PPA2: variants seen among roughly 807,000 people sequenced by gnomAD.
PPA2 encodes the protein inorganic pyrophosphatase 2, mitochondrial.
In PPA2, 48 loss-of-function variants were observed where a neutral mutation model predicts 49.5. The observed-to-expected ratio is 0.97, with a 90% CI of 0.77 to 1.23. PPA2 has a LOEUF of 1.23. Ranked by LOEUF, PPA2 falls within the 50% of genes most tolerant of loss-of-function variation. The probability of loss-of-function intolerance (pLI) is 0.00; values close to 1 mark genes in which losing one functional copy is unlikely to be tolerated. For missense variants in PPA2, 429 were observed against 410.1 expected, an observed-to-expected ratio of 1.05 and a Z score of -0.40; for synonymous variants, 131 against 139.9, an observed-to-expected ratio of 0.94 and a Z score of 0.45.
At position 105,446,539 on chromosome 4, in the gene PPA2, T is replaced by C. The variant is rs11097889; in HGVS notation, c.322-37A>G. Reference sequence around the variant, plus strand: ...ACAGAAGGAAGAAAAGGAGATGGGATAAGAAATAATTAATTCTATGTCCAA... The same window carrying C: ...ACAGAAGGAAGAAAAGGAGATGGGACAAGAAATAATTAATTCTATGTCCAA... On this transcript the variant is annotated intron_variant, in intron 4 of 11. Coordinates refer to ENST00000341695, the MANE Select transcript of PPA2 (RefSeq NM_176869.3). The C allele has an allele frequency of 6.2e-3, 9,792 of 1,581,104 alleles. 532 individuals carry two copies. The African/African-American group carries it at 0.12, about 19-fold the overall frequency.
At chr4:105,443,618 C>CAT (rs1724469570) in intron 5 of PPA2, among the ~76,000 whole-genome samples, 1 of 146,840 alleles carries the variant, frequency 6.8e-6, no homozygotes, top group African/African-American at 2.4e-5. Context: ...CACACACACA[C>CAT]ACACACACAC....
Position 105,405,802 on chromosome 4 carries a change from A to T in PPA2, c.656-6638T>A, listed in dbSNP as rs985200038. ...CTTTGTAGACCCAAGAGGGAACAAA[A>T]ATACAAAACAACATGTAGGGCTGCA... On this transcript the variant is annotated intron_variant, in intron 7 of 11. Coordinates refer to ENST00000341695, the MANE Select transcript of PPA2 (RefSeq NM_176869.3). 6.2e-6 allele frequency: 3 copies of T among 487,326 alleles called. No homozygotes were observed. The East Asian group carries it at 2.1e-4, about 34-fold the overall frequency. 30.2% of individuals were successfully genotyped at this position (487,326 alleles called of 1,614,324 possible). A position where few individuals can be genotyped will look rare whatever the true frequency, so the allele number is the denominator to read the frequency against.
chr4:105,439,448 G>A lies in PPA2; in HGVS notation c.442-1412C>T, dbSNP rs556146543. Among the ~76,000 whole-genome samples, 7 of 152,140 alleles carry A rather than the reference G, an allele frequency of 4.6e-5. No individual in the cohort carries two copies. In the East Asian group the frequency reaches 1.4e-3, roughly 29 times the overall value. On this transcript the variant is annotated intron_variant, in intron 5 of 11. Coordinates refer to ENST00000341695, the MANE Select transcript of PPA2 (RefSeq NM_176869.3). Reference sequence around the variant, plus strand: ...TAAGTAACTTTCCTAGAGAGGTTCTGTTCTTTCCCAGTCTTCCCGTTACTG... The same window carrying A: ...TAAGTAACTTTCCTAGAGAGGTTCTATTCTTTCCCAGTCTTCCCGTTACTG...
intron 10 of PPA2, among the ~76,000 whole-genome samples, chr4:105,371,182 T>G (rs560747357): frequency 6.6e-6 from 1 of 152,198 alleles, no homozygotes; most frequent in Non-Finnish European, 1.5e-5. Context: ...GCAGCTAATG[T>G]CTTGAAAGTT....
intron 7 of PPA2, among the ~76,000 whole-genome samples, chr4:105,408,841 A>C (rs1722606652): frequency 6.6e-6 from 1 of 152,248 alleles, no homozygotes; most frequent in Admixed American, 6.5e-5. Context: ...ACATATATCA[A>C]CAACTGATGT....
At chr4:105,463,476 T>A (rs1300273238) in intron 1 of PPA2, among the ~76,000 whole-genome samples, 1 of 152,056 alleles carries the variant, frequency 6.6e-6, no homozygotes, top group Non-Finnish European at 1.5e-5. Flanking sequence ...GAAAAGAAAA[T>A]CCCATTTTTT....
Position 105,369,531 on chromosome 4 carries a change from C to A in PPA2, c.*194G>T. On this transcript the variant is annotated 3_prime_UTR_variant, in exon 12 of 12. Coordinates refer to ENST00000341695, the MANE Select transcript of PPA2 (RefSeq NM_176869.3). ...AGCCACCGTGCCTGGCCAAAATCTT[C>A]TTTTTATATCAATAAATGTCCAAAG... 1 of 553,426 alleles carries A rather than the reference C, an allele frequency of 1.8e-6. No homozygotes were observed. Among genetic ancestry groups the A allele is most frequent in the East Asian group, 3.1e-5 (1 of 32,382 alleles). The allele number at this position is 553,426 out of a possible 1,614,324, so 34.3% of individuals were successfully genotyped here.
At chr4:105,431,972 T>C (rs1268547442) in intron 6 of PPA2, among the ~76,000 whole-genome samples, 1 of 152,162 alleles carries the variant, frequency 6.6e-6, no homozygotes, top group Non-Finnish European at 1.5e-5. Flanking sequence ...GGGTTTCCTT[T>C]TGAGGTCATG....
intron 6 of PPA2, among the ~76,000 whole-genome samples, chr4:105,436,643 C>A (rs2110288089): frequency 6.6e-6 from 1 of 152,122 alleles, no homozygotes; most frequent in Non-Finnish European, 1.5e-5. Context: ...ATCAATGGAA[C>A]AAAACACAGA....
intron 1 of PPA2, among the ~76,000 whole-genome samples, chr4:105,465,006 A>G (rs2110329497): frequency 6.6e-6 from 1 of 152,300 alleles, no homozygotes; most frequent in East Asian, 1.9e-4. Context: ...CTGTAATCAT[A>G]CTGAATTTTC....
At chr4:105,404,108 A>T (rs1722346162) in intron 7 of PPA2, among the ~76,000 whole-genome samples, 1 of 152,024 alleles carries the variant, frequency 6.6e-6, no homozygotes, top group South Asian at 2.1e-4. Flanking sequence ...TATGAGAGAG[A>T]AATTTAGAGA....
intron 10 of PPA2, among the ~76,000 whole-genome samples, chr4:105,380,914 G>T (rs1282747632): frequency 6.6e-6 from 1 of 151,836 alleles, no homozygotes; most frequent in East Asian, 1.9e-4. Flanking sequence ...TACCTAGAAG[G>T]GTAATTTCTG....
chr4:105,438,198 G>T (rs1017120064), intron 5 of PPA2, among the ~76,000 whole-genome samples, 162 bp from the exon 6 acceptor site: 14 of 152,196 alleles, frequency 9.2e-5, no homozygotes, highest in Admixed American at 2.0e-4. Context: ...TGTCCCTAAG[G>T]ATCATAATAT....
chr4:105,464,723 C>G (rs1723231584), intron 1 of PPA2, among the ~76,000 whole-genome samples: 1 of 152,096 alleles, frequency 6.6e-6, no homozygotes, highest in Non-Finnish European at 1.5e-5. Context: ...CCTGCACTAG[C>G]TCTCTTGTCT....
chr4:105,469,819 T>C (rs1464375200), intron 1 of PPA2, among the ~76,000 whole-genome samples: 2 of 152,234 alleles, frequency 1.3e-5, no homozygotes, highest in Non-Finnish European at 2.9e-5. Flanking sequence ...TTTAAAAAGT[T>C]ACAGAAACTC....
intron 3 of PPA2, among the ~76,000 whole-genome samples, chr4:105,452,770 T>C (rs1161139865): frequency 3.3e-5 from 5 of 152,136 alleles, no homozygotes; most frequent in Non-Finnish European, 7.4e-5. Flanking sequence ...AAAAGGACAC[T>C]TGTAGCAGGA....
At chr4:105,417,196 AAC>A (rs1436406012) in intron 7 of PPA2, among the ~76,000 whole-genome samples, 5 of 152,182 alleles carry the variant, frequency 3.3e-5, no homozygotes, top group African/African-American at 1.2e-4. Context: ...TTCATCACTT[AAC>A]AGTTACCCTA....
intron 1 of PPA2, among the ~76,000 whole-genome samples, chr4:105,463,886 G>A (rs1161605534): frequency 1.3e-5 from 2 of 152,216 alleles, no homozygotes; most frequent in Non-Finnish European, 2.9e-5. Flanking sequence ...GGATGCCCAG[G>A]CAAAAGTTTG....
At chr4:105,436,590 G>T (rs1256316716) in intron 6 of PPA2, among the ~76,000 whole-genome samples, 1 of 151,998 alleles carries the variant, frequency 6.6e-6, no homozygotes, top group Admixed American at 6.6e-5. Flanking sequence ...TGTAGTACTG[G>T]TATAAAAATA....
Sources: allele counts gnomAD v4.1 joint callset (sites outside exome capture counted in the v4.1 genomes callset), GRCh38; gene constraint gnomAD v4.1.1; transcripts MANE v1.5; gene names NCBI Gene and HGNC (gene_info 2026-07-23, HGNC 2026-07-21).